The following PCDH17 variants were observed in gnomAD, a reference collection of about 807,000 sequenced individuals.
The protein encoded by PCDH17 is protocadherin-17.
In PCDH17, 21 loss-of-function variants were observed where a neutral mutation model predicts 67.7. The observed-to-expected ratio is 0.31, with a 90% CI of 0.22 to 0.45. The LOEUF is 0.45. Ranked by LOEUF, PCDH17 falls within the 20% of genes least tolerant of loss-of-function variation. The probability of loss-of-function intolerance (pLI) is 1.00; values close to 1 mark genes in which losing one functional copy is unlikely to be tolerated. For synonymous variants in PCDH17, 701 were observed against 656.7 expected (o/e 1.07, Z -1.03); for missense variants, 1,471 against 1,564.8 (o/e 0.94, Z 1.01).
chr13:57,662,404 C>A (rs1340108355), intron 1 of PCDH17, among the ~76,000 whole-genome samples: 1 of 151,940 alleles, frequency 6.6e-6, no homozygotes, highest in Non-Finnish European at 1.5e-5. Context: ...TTTATTTAGG[C>A]CCTTTAAATT....
At chr13:57,650,261 TAA>T (rs1680369616) in intron 1 of PCDH17, among the ~76,000 whole-genome samples, 1 of 146,562 alleles carries the variant, frequency 6.8e-6, no homozygotes, top group Non-Finnish European at 1.5e-5. Context: ...TGTGTGTGTG[TAA>T]TAACAGATAC....
chr13:57,688,621 T>A (rs1368508979), intron 3 of PCDH17, among the ~76,000 whole-genome samples: 1 of 152,104 alleles, frequency 6.6e-6, no homozygotes, highest in Non-Finnish European at 1.5e-5. Context: ...GCAGAAATGC[T>A]ATATATTATA....
chr13:57,708,753 A>G (rs559524773), intron 3 of PCDH17, among the ~76,000 whole-genome samples: 2 of 152,122 alleles, frequency 1.3e-5, no homozygotes, highest in South Asian at 4.1e-4. Flanking sequence ...CAAACAACAG[A>G]TGTTGAATAA....
rs1955899959 is a variant in PCDH17 at position 57,724,839 on chromosome 13, A to AACGTTAAAC, written c.3025_3026insACGTTAAAC (p.Thr1009delinsAsnValLysPro). 1.2e-6 allele frequency: 2 copies of AACGTTAAAC among 1,614,052 alleles called. No homozygotes were observed. The highest frequency in any genetic ancestry group is 8.5e-7 in the Non-Finnish European group (1 of 1,180,008). ...ATTTGGAAAAGACAAGCGAGAGCAC[A>AACGTTAAAC]CTATTCTCATTGCCAACGTTAAACC... On this transcript the variant is annotated protein_altering_variant, in exon 4 of 4. Transcript: ENST00000377918.
intron 1 of PCDH17, among the ~76,000 whole-genome samples, chr13:57,658,097 T>C (rs1345448070): frequency 6.6e-6 from 1 of 152,128 alleles, no homozygotes; most frequent in Non-Finnish European, 1.5e-5. Flanking sequence ...AAAAATAATG[T>C]TGACACAAAC....
intron 3 of PCDH17, among the ~76,000 whole-genome samples, chr13:57,672,125 CAGTAATAGG>C (rs1277353080): frequency 1.3e-5 from 2 of 151,856 alleles, no homozygotes; most frequent in Non-Finnish European, 2.9e-5. Context: ...GAAAAGTTGC[CAGTAATAGG>C]AATATCAAAT....
chr13:57,709,121 A>T (rs1444831524), intron 3 of PCDH17, among the ~76,000 whole-genome samples: 2 of 150,760 alleles, frequency 1.3e-5, no homozygotes, highest in Non-Finnish European at 3.0e-5. Context: ...ATATATATAT[A>T]TATTTCTCAT....
rs765548615 is a variant in PCDH17, at chr13:57,632,506, C to T, written c.-41C>T. The T allele has an allele frequency of 5.0e-6, 8 of 1,584,298 alleles. No homozygotes were observed. The highest frequency in any genetic ancestry group is 2.7e-5 in the African/African-American group (2 of 74,266). On this transcript the variant is annotated 5_prime_UTR_variant, in exon 1 of 4. Transcript: ENST00000377918. ...CTGGCGCGCACTCCCTCTCTGGCTC[C>T]TCCAGTCCGATTGCTCCTGCCCCCA...
At chr13:57,686,445 T>C (rs1172365984) in intron 3 of PCDH17, among the ~76,000 whole-genome samples, 1 of 151,944 alleles carries the variant, frequency 6.6e-6, no homozygotes. Flanking sequence ...TTAGGAAAGC[T>C]TTTGCAATGA....
At chr13:57,712,980 T>A (rs936425658) in intron 3 of PCDH17, among the ~76,000 whole-genome samples, 8 of 151,646 alleles carry the variant, frequency 5.3e-5, no homozygotes, top group Non-Finnish European at 1.2e-4. Flanking sequence ...TTAGACACTT[T>A]TTTATCTCCA....
chr13:57,691,637 C>T (rs981494068), intron 3 of PCDH17, among the ~76,000 whole-genome samples: 9 of 151,180 alleles, frequency 6.0e-5, no homozygotes, highest in Non-Finnish European at 1.3e-4. Context: ...TATGTGTACA[C>T]ATCAATTAAA....
Position 57,633,220 on chromosome 13 carries a change from C to T in PCDH17, c.674C>T (p.Ala225Val), listed in dbSNP as rs763367215. ...ALDGGEPPRS[A>V]TVQINVKVID... Reference sequence around the variant, plus strand: ...GACGGTGGCGAGCCTCCACGTTCCGCCACCGTACAGATCAACGTGAAGGTG... The same window carrying T: ...GACGGTGGCGAGCCTCCACGTTCCGTCACCGTACAGATCAACGTGAAGGTG... The change falls in exon 1 of 4, where the codon GCC becomes GTC. Residue 225 changes from alanine to valine, a missense_variant. Transcript: ENST00000377918. The surrounding 1 kb of genome is among the most constrained non-coding windows in gnomAD (Gnocchi z 6.2). The T allele has an allele frequency of 6.2e-7, 1 of 1,613,320 alleles. No homozygotes were observed. The highest frequency in any genetic ancestry group is 8.5e-7 in the Non-Finnish European group (1 of 1,180,012).
At chr13:57,719,524 A>G (rs549689212) in intron 3 of PCDH17, among the ~76,000 whole-genome samples, 7 of 152,166 alleles carry the variant, frequency 4.6e-5, no homozygotes, top group African/African-American at 9.6e-5. Context: ...GTACGTTTTC[A>G]GGTGTACAAA....
chr13:57,678,652 T>C (rs1593921119), intron 3 of PCDH17, among the ~76,000 whole-genome samples: 1 of 151,472 alleles, frequency 6.6e-6, no homozygotes, highest in African/African-American at 2.4e-5. Flanking sequence ...CACTCAGATA[T>C]GTAAAAATTC....
intron 3 of PCDH17, among the ~76,000 whole-genome samples, chr13:57,667,084 T>G (rs1440280388): frequency 6.6e-6 from 1 of 152,162 alleles, no homozygotes; most frequent in Non-Finnish European, 1.5e-5. Context: ...TGATTGTTCT[T>G]ATTTCATAGA....
chr13:57,637,272 A>G (rs1264220167), intron 1 of PCDH17, among the ~76,000 whole-genome samples: 2 of 152,126 alleles, frequency 1.3e-5, no homozygotes, highest in Admixed American at 1.3e-4. Context: ...CTTCTACCCT[A>G]GAAATATCCT....
intron 1 of PCDH17, among the ~76,000 whole-genome samples, chr13:57,645,502 ATAAT>A (rs1954954120): frequency 6.6e-6 from 1 of 151,626 alleles, no homozygotes. Flanking sequence ...CTGCTGGTAA[ATAAT>A]TTATTTGAAT....
intron 3 of PCDH17, among the ~76,000 whole-genome samples, chr13:57,673,852 C>A (rs1320114087): frequency 6.6e-6 from 1 of 151,896 alleles, no homozygotes; most frequent in Non-Finnish European, 1.5e-5. Context: ...TTCCCACCCC[C>A]CTGTGCTGTC....
intron 3 of PCDH17, among the ~76,000 whole-genome samples, chr13:57,706,413 T>TGC (rs1955721870): frequency 6.6e-6 from 1 of 152,196 alleles, no homozygotes; most frequent in Non-Finnish European, 1.5e-5. Flanking sequence ...GCAGCAGTGT[T>TGC]TTTATTGCTA....
Sources: allele counts gnomAD v4.1 joint callset (sites outside exome capture counted in the v4.1 genomes callset), GRCh38; gene constraint gnomAD v4.1.1; non-coding constraint Gnocchi (gnomAD v3.1); transcripts MANE v1.5; gene names NCBI Gene and HGNC (gene_info 2026-07-23, HGNC 2026-07-21).